Variants in KAZN observed in about 807,000 individuals in gnomAD.
KAZN encodes kazrin.
KAZN carries 40 observed loss-of-function variants against 87.4 expected under a neutral mutation model. The observed-to-expected ratio is 0.46, with a 90% CI of 0.36 to 0.60. The LOEUF is 0.60. Ranked by LOEUF, KAZN falls within the 20% of genes least tolerant of loss-of-function variation. KAZN has a pLI of 0.00. For missense variants in KAZN, 898 were observed against 1,073.9 expected (o/e 0.84, Z 2.29); for synonymous variants, 466 against 458.3 (o/e 1.02, Z -0.22).
At chr1:14,631,546 C>T (rs1033173205) in intron 1 of KAZN, among the ~76,000 whole-genome samples, 2 of 152,156 alleles carry the variant, frequency 1.3e-5, no homozygotes, top group African/African-American at 4.8e-5. Context: ...GATCCTGCTA[C>T]CTCTCACCCC....
chr1:14,929,849 C>G (rs143799456), intron 1 of KAZN: 568 of 985,476 alleles, frequency 5.8e-4, no homozygotes, highest in African/African-American at 4.6e-3. Context: ...CAACCTCTGT[C>G]TCCCTTGTGG....
chr1:14,360,635 T>C (rs1405215536), intron 2 of KAZN, among the ~76,000 whole-genome samples: 2 of 152,122 alleles, frequency 1.3e-5, no homozygotes, highest in Non-Finnish European at 2.9e-5. Context: ...TGTGTGGATG[T>C]CCTTTTTCTT....
chr1:15,003,738 G>T (rs1440902950), intron 2 of KAZN, among the ~76,000 whole-genome samples: 1 of 152,104 alleles, frequency 6.6e-6, no homozygotes, highest in African/African-American at 2.4e-5. Context: ...TTGTCTCTCA[G>T]CTCAGGATCA....
intron 2 of KAZN, among the ~76,000 whole-genome samples, chr1:14,379,240 C>A: frequency 6.6e-6 from 1 of 151,716 alleles, no homozygotes; most frequent in Admixed American, 6.6e-5. Flanking sequence ...GCAGAAATAA[C>A]CAAGTAGTAC....
At chr1:14,406,445 A>G (rs148639027) in intron 2 of KAZN, among the ~76,000 whole-genome samples, 3 of 152,250 alleles carry the variant, frequency 2.0e-5, no homozygotes, top group African/African-American at 7.2e-5. Context: ...CAGGAATGGA[A>G]ACCCAAACAT....
chr1:14,393,109 CA>C (rs1488089395), intron 2 of KAZN, among the ~76,000 whole-genome samples: 1 of 152,148 alleles, frequency 6.6e-6, no homozygotes, highest in Non-Finnish European at 1.5e-5. Context: ...AAGGTTCCAC[CA>C]TCTCTCTGAG....
chr1:14,387,790 A>G (rs1662060806), intron 2 of KAZN, among the ~76,000 whole-genome samples: 1 of 152,036 alleles, frequency 6.6e-6, no homozygotes, highest in Non-Finnish European at 1.5e-5. Flanking sequence ...CTGCCCCCAG[A>G]GGTGGAGCCT....
At chr1:14,180,092 C>T (rs1472548274) in intron 1 of KAZN, among the ~76,000 whole-genome samples, 1 of 152,058 alleles carries the variant, frequency 6.6e-6, no homozygotes, top group Non-Finnish European at 1.5e-5. Context: ...TAAACACTTA[C>T]CACAAAGTCA....
chr1:15,008,997 T>A (rs1669314589), intron 2 of KAZN, among the ~76,000 whole-genome samples: 1 of 152,210 alleles, frequency 6.6e-6, no homozygotes, highest in Admixed American at 6.5e-5. Context: ...TACTTTTCTC[T>A]CTTGCAGAAG....
At chr1:14,166,009 G>A (rs977364065) in intron 1 of KAZN, among the ~76,000 whole-genome samples, 6 of 152,088 alleles carry the variant, frequency 3.9e-5, no homozygotes, top group African/African-American at 1.2e-4. Flanking sequence ...CCGGAAAGGG[G>A]CCACTCGGTA....
At position 14,359,675 on chromosome 1, in the gene KAZN, T is replaced by G. The variant is rs539906855; in HGVS notation, c.249+179083T>G. On this transcript the variant is annotated intron_variant, in intron 2 of 16. Coordinates refer to the KAZN transcript ENST00000636203. ...GCATTTGCTTGTCTGTAAAGGATTT[T>G]ATTTCTCCTTCACTTATGAAGCGTC... is the stretch of plus-strand genomic sequence containing the variant. Among the ~76,000 whole-genome samples the G allele has an allele frequency of 1.2e-3, 182 of 152,338 alleles. 1 individual carries two copies. Among genetic ancestry groups the G allele is most frequent in the Admixed American group, 6.3e-3 (97 of 15,302 alleles).
intron 2 of KAZN, among the ~76,000 whole-genome samples, chr1:14,327,949 C>T (rs780984827): frequency 3.3e-5 from 5 of 152,202 alleles, no homozygotes; most frequent in African/African-American, 1.2e-4. Flanking sequence ...AATAAAATTA[C>T]ATTAGCATCA....
chr1:15,016,065 A>G (rs1670061810), intron 2 of KAZN, among the ~76,000 whole-genome samples: 1 of 147,434 alleles, frequency 6.8e-6, no homozygotes, highest in Non-Finnish European at 1.5e-5. Context: ...AGATCTCGAG[A>G]TGAGATCATT....
At chr1:14,903,073 T>C (rs1208495830) in intron 1 of KAZN, among the ~76,000 whole-genome samples, 22 of 152,038 alleles carry the variant, frequency 1.4e-4, no homozygotes, top group Non-Finnish European at 1.3e-4. Context: ...TTCACCATGT[T>C]GGCCAGGCTG....
intron 1 of KAZN, among the ~76,000 whole-genome samples, chr1:14,056,323 C>T (rs1166797174): frequency 2.0e-5 from 3 of 152,178 alleles, no homozygotes; most frequent in Non-Finnish European, 4.4e-5. Flanking sequence ...CACAAGGGTT[C>T]TTCCATGATG....
intron 1 of KAZN, among the ~76,000 whole-genome samples, chr1:13,911,579 G>A (rs1048002581): frequency 1.2e-4 from 18 of 152,156 alleles, no homozygotes; most frequent in Admixed American, 1.2e-3. Flanking sequence ...CAGAAGAAAT[G>A]AGATTCTCCT....
intron 1 of KAZN, among the ~76,000 whole-genome samples, chr1:14,677,722 C>T (rs991360527): frequency 6.6e-6 from 1 of 152,174 alleles, no homozygotes; most frequent in African/African-American, 2.4e-5. Context: ...CTTGAGCCTG[C>T]TCCCATCTGT....
At chr1:14,630,208 G>T (rs1040153218) in intron 1 of KAZN, among the ~76,000 whole-genome samples, 1 of 152,170 alleles carries the variant, frequency 6.6e-6, no homozygotes, top group Admixed American at 6.5e-5. Context: ...CATCCCTAGG[G>T]ATACCCCAGC....
intron 2 of KAZN, among the ~76,000 whole-genome samples, chr1:14,587,288 C>A (rs1675909539): frequency 6.6e-6 from 1 of 151,720 alleles, no homozygotes; most frequent in Non-Finnish European, 1.5e-5. Context: ...ATACAAAAAT[C>A]ATCCGGGTGT....
Sources: gnomAD v4.1 joint callset for allele counts (sites outside exome capture counted in the v4.1 genomes callset) on GRCh38, gnomAD v4.1.1 for gene constraint, MANE v1.5 for transcripts, NCBI Gene and HGNC (gene_info 2026-07-23, HGNC 2026-07-21) for gene names.